LZTFL1: variants seen among roughly 807,000 people sequenced by gnomAD.
The protein encoded by LZTFL1 is leucine zipper transcription factor-like protein 1.
LZTFL1 carries 25 observed loss-of-function variants against 45.9 expected under a neutral mutation model. The observed-to-expected ratio is 0.54, with a 90% CI of 0.40 to 0.76. The LOEUF (loss-of-function observed/expected upper bound fraction) is 0.76. LZTFL1 is among the 30% of genes least tolerant of loss of function. The probability of loss-of-function intolerance (pLI) is 0.00; values close to 1 mark genes in which losing one functional copy is unlikely to be tolerated. For missense variants in LZTFL1, 277 were observed against 331.1 expected, an observed-to-expected ratio of 0.84 and a Z score of 1.27; for synonymous variants, 93 against 117.4, an observed-to-expected ratio of 0.79 and a Z score of 1.35.
At chr3:45,914,243 A>G (rs1175499846) in intron 1 of LZTFL1, among the ~76,000 whole-genome samples, 1 of 151,544 alleles carries the variant, frequency 6.6e-6, no homozygotes, top group Non-Finnish European at 1.5e-5. Flanking sequence ...AATGGACCAG[A>G]CCTGATGAAC....
At chr3:45,854,057 C>A (rs1293325256) in intron 4 of LZTFL1, among the ~76,000 whole-genome samples, 1 of 152,172 alleles carries the variant, frequency 6.6e-6, no homozygotes, top group Admixed American at 6.5e-5. Flanking sequence ...CTATGGACAC[C>A]TCCTCCTTTA....
At chr3:45,868,055 C>G (rs1214282819) in intron 2 of LZTFL1, among the ~76,000 whole-genome samples, 1 of 146,960 alleles carries the variant, frequency 6.8e-6, no homozygotes, top group Non-Finnish European at 1.5e-5. Context: ...AAATTGCTGC[C>G]CTTGAATCCT....
rs192956180 is a variant in LZTFL1, at chr3:45,895,437, G to A, written c.-215+17683C>T. On this transcript the variant is annotated intron_variant, in intron 2 of 4. Coordinates refer to the LZTFL1 transcript ENST00000472635. ...CAAAAATTAGTGAGTCAGTCTGGGCGTGGTAGCTCACGCCTGTAATCCCAG... is the reference window on the plus strand; with the variant it reads ...CAAAAATTAGTGAGTCAGTCTGGGCATGGTAGCTCACGCCTGTAATCCCAG... 1.1e-3 allele frequency among the ~76,000 whole-genome samples: 167 copies of A among 152,336 alleles called. 1 individual carries two copies. Among genetic ancestry groups the A allele is most frequent in the Non-Finnish European group, 9.6e-4 (65 of 68,032 alleles).
chr3:45,894,844 C>T, intron 2 of LZTFL1: 1 of 1,152,024 alleles, frequency 8.7e-7, no homozygotes, highest in Non-Finnish European at 1.3e-6. Context: ...ATCTTTTTGG[C>T]ATTTGGTTGT....
chr3:45,827,460 C>T lies in LZTFL1; in HGVS notation c.778-1G>A, dbSNP rs751242409. ...TTTGCTGAAATTTCTTTTCTAATTC[C>T]TGCTTAGTAAAAAATGTCAGCCCAT... On this transcript the variant is annotated splice_acceptor_variant, in intron 8 of 9. Coordinates refer to ENST00000296135, the MANE Select transcript of LZTFL1 (RefSeq NM_020347.4). LOFTEE classifies it high-confidence loss of function. The T allele has an allele frequency of 5.6e-6, 9 of 1,593,658 alleles. No individual in the cohort carries two copies. The highest frequency in any genetic ancestry group is 6.0e-6 in the Non-Finnish European group (7 of 1,161,962).
At position 45,901,802 on chromosome 3, in the gene LZTFL1, C is replaced by A; in HGVS notation, c.-215+11318G>T. The A allele has an allele frequency of 6.2e-7, 1 of 1,614,128 alleles. No homozygotes were observed. Among genetic ancestry groups the A allele is most frequent in the Admixed American group, 1.7e-5 (1 of 60,020 alleles). ...AAACCCTGAAGAACTTGGGTTGCAT[C>A]AGCCAGGCCCAGTGGGTTTCATTTA... On this transcript the variant is annotated intron_variant, in intron 2 of 4. Coordinates refer to the LZTFL1 transcript ENST00000472635. This position sits in a 1 kb window ranked among gnomAD's most constrained non-coding sequence, Gnocchi z 4.3.
upstream of LZTFL1, among the ~76,000 whole-genome samples, chr3:45,844,791 A>C (rs1309948025): frequency 6.6e-6 from 1 of 152,202 alleles, no homozygotes; most frequent in Non-Finnish European, 1.5e-5. Context: ...GTTGCTTTCA[A>C]AACACCCTAG....
At chr3:45,897,325 A>G (rs966064275) in intron 2 of LZTFL1, among the ~76,000 whole-genome samples, 2 of 152,208 alleles carry the variant, frequency 1.3e-5, no homozygotes, top group African/African-American at 4.8e-5. Context: ...CACTTAAAAA[A>G]TATGCCTGGG....
intron 2 of LZTFL1, among the ~76,000 whole-genome samples, chr3:45,911,193 A>C (rs746535393): frequency 3.3e-5 from 5 of 151,946 alleles, no homozygotes; most frequent in Non-Finnish European, 7.4e-5. Context: ...GAGTCAAGGG[A>C]CTCGAGACTC....
rs1454941364 is a variant in LZTFL1 at position 45,828,529 on chromosome 3, C to T, written c.687G>A (p.Lys229=). 1 of 1,614,152 alleles carries T rather than the reference C, an allele frequency of 6.2e-7. No homozygotes were observed. The highest frequency in any genetic ancestry group is 8.5e-7 in the Non-Finnish European group (1 of 1,180,008). Residue 229 remains lysine (K), a synonymous_variant, in exon 8 of 10, where the codon AAG becomes AAA. Coordinates refer to ENST00000296135, the MANE Select transcript of LZTFL1 (RefSeq NM_020347.4). ...KSEFQKTLND[K]TENQKSLEEN... The stretch of plus-strand genomic sequence containing the variant: ...CCTCCAGTGACTTCTGGTTTTCTGT[C>T]TTGTCATTAAGTGTCTTCTGAAACT...
chr3:45,854,230 A>AT (rs1285394246), intron 4 of LZTFL1, among the ~76,000 whole-genome samples: 1 of 152,152 alleles, frequency 6.6e-6, no homozygotes, highest in African/African-American at 2.4e-5. Flanking sequence ...AATTCCATTC[A>AT]TTCCCAGGGT....
chr3:45,863,289 T>G (rs1332298183), intron 2 of LZTFL1, among the ~76,000 whole-genome samples: 1 of 152,184 alleles, frequency 6.6e-6, no homozygotes, highest in Non-Finnish European at 1.5e-5. Context: ...ATGAAAGTCA[T>G]AATCTTGCAA....
intron 7 of LZTFL1, 21 bp downstream of exon 7, chr3:45,830,892 G>A (rs1465922037): frequency 2.5e-6 from 4 of 1,601,734 alleles, no homozygotes; most frequent in Non-Finnish European, 3.4e-6. Context: ...ATGTGAGAAA[G>A]GTAGCTAAAA....
intron 2 of LZTFL1, chr3:45,886,553 A>G (rs1701985836): frequency 6.6e-6 from 1 of 152,148 alleles, no homozygotes; most frequent in African/African-American, 2.4e-5. Context: ...AGAACCCACA[A>G]AGCCTGCCCC....
rs1047421286 is a variant in LZTFL1 at position 45,900,071 on chromosome 3, C to T, written c.-215+13049G>A. Among the ~76,000 whole-genome samples, 6 of 152,118 alleles carry T rather than the reference C, an allele frequency of 3.9e-5. No homozygotes were observed. Among genetic ancestry groups the T allele is most frequent in the African/African-American group, 7.2e-5 (3 of 41,414 alleles). ...ATGCATGTACATATGAGTGTGTGTG[C>T]TTGTTGGGGCCAGCTTCATGGCTGT... On this transcript the variant is annotated intron_variant, in intron 2 of 4. Coordinates refer to the LZTFL1 transcript ENST00000472635. The surrounding 1 kb of genome is among the most constrained non-coding windows in gnomAD (Gnocchi z 4.7).
At chr3:45,827,657 C>G (rs1022153091) in intron 8 of LZTFL1, among the ~76,000 whole-genome samples, 198 bp from the exon 9 acceptor site, 3 of 151,916 alleles carry the variant, frequency 2.0e-5, no homozygotes, top group African/African-American at 7.3e-5. Flanking sequence ...AAATGAGAAG[C>G]CATAAAATAG....
intron 2 of LZTFL1, among the ~76,000 whole-genome samples, chr3:45,836,064 G>A (rs1664627370): frequency 6.6e-6 from 1 of 151,930 alleles, no homozygotes; most frequent in African/African-American, 2.4e-5. Flanking sequence ...TAACTTTTTA[G>A]TATTAAATGT....
chr3:45,893,729 A>G (rs1395198582), intron 2 of LZTFL1, among the ~76,000 whole-genome samples: 1 of 152,232 alleles, frequency 6.6e-6, no homozygotes, highest in Non-Finnish European at 1.5e-5. Flanking sequence ...TTTGCCTACC[A>G]CAGAGTAAAG....
chr3:45,910,111 T>C (rs1702763968), intron 2 of LZTFL1, among the ~76,000 whole-genome samples: 2 of 152,132 alleles, frequency 1.3e-5, no homozygotes, highest in Non-Finnish European at 2.9e-5. Context: ...AAGTGGGGTG[T>C]GGCATGATCC....
Sources: gnomAD v4.1 joint callset for allele counts (sites outside exome capture counted in the v4.1 genomes callset) on GRCh38, gnomAD v4.1.1 for gene constraint, Gnocchi (gnomAD v3.1) non-coding constraint, MANE v1.5 for transcripts, NCBI Gene and HGNC (gene_info 2026-07-23, HGNC 2026-07-21) for gene names.